Variants in FSCN3 observed in about 807,000 individuals in gnomAD.
The protein encoded by FSCN3 is fascin actin-bundling protein 3.
A neutral mutation model predicts 53.5 loss-of-function variants in FSCN3; 43 were observed. The observed-to-expected ratio is 0.80, with a 90% CI of 0.63 to 1.04. The LOEUF (loss-of-function observed/expected upper bound fraction) is 1.04. Among genes scored for constraint, FSCN3 ranks in the 50% least tolerant of loss-of-function variants. FSCN3 has a pLI of 0.00. For synonymous variants in FSCN3, 235 were observed against 246.6 expected (o/e 0.95, Z 0.44); for missense variants, 594 against 646.5 (o/e 0.92, Z 0.88).
At position 127,596,382 on chromosome 7, in the gene FSCN3, TTGAA is replaced by T; in HGVS notation, c.899_902del (p.Glu300ValfsTer26). 1.2e-6 allele frequency: 2 copies of T among 1,613,336 alleles called. No homozygotes were observed. Among genetic ancestry groups the T allele is most frequent in the Non-Finnish European group, 1.7e-6 (2 of 1,179,262 alleles). ...TTAAACCGAATGTCCTTGTTCCAGT[TTGAA>T]TGTGACAGTGAGAGCCCCACTGTGC... On this transcript the variant is annotated frameshift_variant, in exon 3 of 7. Transcript: ENST00000265825. LOFTEE classifies it high-confidence loss of function.
chr7:127,600,379 G>C lies in FSCN3; in HGVS notation c.1477G>C (p.Glu493Gln). 4 of 1,606,910 alleles carry C rather than the reference G, an allele frequency of 2.5e-6. No individual in the cohort carries two copies. Among genetic ancestry groups the C allele is most frequent in the Non-Finnish European group, 2.6e-6 (3 of 1,173,380 alleles). The change falls in exon 6 of 7, where the codon GAG becomes CAG. Residue 493 changes from glutamate (E) to glutamine (Q), a missense_variant. By Grantham distance (29) the Glu-to-Gln change is conservative. Coordinates refer to ENST00000265825, the MANE Select transcript of FSCN3 (RefSeq NM_020369.3). ...GGCAGACAGTGAAGACATTACCAGA[G>C]AGTGTATCTGGGAATTTTAGGTAAG... Reference protein sequence around the residue: ...LLADSEDITRECIWEF With the variant: ...LLADSEDITRQCIWEF
chr7:127,600,899 C>G (rs1219299795), intron 6 of FSCN3, among the ~76,000 whole-genome samples: 1 of 152,186 alleles, frequency 6.6e-6, no homozygotes, highest in African/African-American at 2.4e-5. Flanking sequence ...TCCTGATAGA[C>G]AGTTGACTTG....
At chr7:127,594,814 A>C (rs375756193) in intron 1 of FSCN3, 59 of 471,662 alleles carry the variant, frequency 1.3e-4, no homozygotes, top group South Asian at 7.1e-4. Flanking sequence ...TTGCATCTGA[A>C]CTGTTCATGC....
intron 1 of FSCN3, chr7:127,594,884 A>G (rs1043381215): frequency 6.3e-6 from 3 of 474,540 alleles, no homozygotes; most frequent in Admixed American, 2.3e-5. Flanking sequence ...CTGTCTTGCC[A>G]TGCTGGAAGG....
In FSCN3 at chr7:127,598,417, T is replaced by G. The variant is rs781618445; in HGVS notation, c.961-18T>G. ...GTCAGTCCTTACTCCTCATCTCTGT[T>G]TCTGACATTCTTTCCAGAGGCGCCA... On this transcript the variant is annotated intron_variant, in intron 3 of 6. Transcript: ENST00000265825. The G allele has an allele frequency of 4.5e-5, 73 of 1,611,748 alleles. No individual in the cohort carries two copies. The highest frequency in any genetic ancestry group is 6.1e-5 in the Non-Finnish European group (72 of 1,178,228).
At chr7:127,598,263 G>T (rs995606384) in intron 3 of FSCN3, among the ~76,000 whole-genome samples, 172 bp from the exon 4 acceptor site, 1 of 152,196 alleles carries the variant, frequency 6.6e-6, no homozygotes, top group East Asian at 1.9e-4. Context: ...GGAAGGGGAA[G>T]AGCTGAGGCC....
rs150511464 is a variant in FSCN3, at chr7:127,595,331, G to A, written c.169G>A (p.Glu57Lys). ...RQTWEILVSN[E>K]HETQAVVRLK... ...GACCTGGGAGATCTTGGTGAGCAATGAGCATGAGACACAGGCCGTGGTGCG... is the reference window on the plus strand; with the variant it reads ...GACCTGGGAGATCTTGGTGAGCAATAAGCATGAGACACAGGCCGTGGTGCG... Residue 57 changes from glutamate (E) to lysine (K), a missense_variant, in exon 2 of 7, where the codon GAG (glutamate) becomes AAG (lysine). Glu to Lys is a moderately conservative substitution (Grantham distance 56, BLOSUM62 1). Transcript: ENST00000265825. 9.9e-4 allele frequency: 1,604 copies of A among 1,612,568 alleles called. No homozygotes were observed. Among genetic ancestry groups the A allele is most frequent in the Non-Finnish European group, 1.3e-3 (1,483 of 1,178,984 alleles).
chr7:127,596,334 AG>A lies in FSCN3; in HGVS notation c.850del (p.Val284CysfsTer8). ...GRFISVIYDG[E>X]VRAASERLNR... ...ACATGCGCTTCCTCTGCAGATGGTG[AG>A]GTGCGTGCTGCTTCTGAGCGCTTAA... On this transcript the variant is annotated frameshift_variant, in exon 3 of 7. Coordinates refer to ENST00000265825, the MANE Select transcript of FSCN3 (RefSeq NM_020369.3). LOFTEE classifies it high-confidence loss of function. 2.5e-6 allele frequency: 4 copies of A among 1,606,230 alleles called. No individual in the cohort carries two copies. Among genetic ancestry groups the A allele is most frequent in the Non-Finnish European group, 3.4e-6 (4 of 1,172,864 alleles).
Position 127,593,911 on chromosome 7 carries a change from CTCA to C in FSCN3, c.62_64del (p.Ile21del), listed in dbSNP as rs767249988. 14 of 1,600,820 alleles carry C rather than the reference CTCA, an allele frequency of 8.7e-6. No individual in the cohort carries two copies. The highest frequency in any genetic ancestry group is 1.1e-5 in the Non-Finnish European group (13 of 1,173,608). ...CAAGGCTGAGGACCTAAGGGTTGGG[CTCA>C]TCAGCTGGGCAGGAACCTACCTCAC... On this transcript the variant is annotated inframe_deletion, in exon 1 of 7. Coordinates refer to ENST00000265825, the MANE Select transcript of FSCN3 (RefSeq NM_020369.3).
At chr7:127,601,473 C>T (rs1277253991) in intron 6 of FSCN3, 150 bp from the exon 7 acceptor site, 1 of 152,248 alleles carries the variant, frequency 6.6e-6, no homozygotes, top group Non-Finnish European at 1.5e-5. Context: ...GTTAACTTCA[C>T]ATGTGTCTAG....
chr7:127,596,029 G>A (rs759036110), intron 2 of FSCN3, 26 bp downstream of exon 2: 3 of 1,517,714 alleles, frequency 2.0e-6, no homozygotes, highest in Non-Finnish European at 2.6e-6. Context: ...AACACAGATG[G>A]AGGGAGAGAG....
Position 127,599,381 on chromosome 7 carries a change from G to T in FSCN3, c.1121G>T (p.Gly374Val). 6.2e-7 allele frequency: 1 copy of T among 1,611,972 alleles called. No homozygotes were observed. Among genetic ancestry groups the T allele is most frequent in the Non-Finnish European group, 8.5e-7 (1 of 1,178,258 alleles). ...GATAACTCCTTCCTATTTCCTTCAGGCCCAAATGAGGAATTTGGGATTTTA... is the reference window on the plus strand; with the variant it reads ...GATAACTCCTTCCTATTTCCTTCAGTCCCAAATGAGGAATTTGGGATTTTA... ...SLLMANVILPGPNEEFGILFA... is the reference protein window; with the variant it reads ...SLLMANVILPVPNEEFGILFA... The change falls in exon 5 of 7, where the codon GGC becomes GTC. Residue 374 changes from glycine to valine, a missense_variant and splice_region_variant. Transcript: ENST00000265825.
In FSCN3 at chr7:127,595,414, T is replaced by C. The variant is rs1562955661; in HGVS notation, c.252T>C (p.Tyr84=). The C allele has an allele frequency of 6.2e-7, 1 of 1,614,200 alleles. No individual in the cohort carries two copies. Among genetic ancestry groups the C allele is most frequent in the East Asian group, 2.2e-5 (1 of 44,886 alleles). The change falls in exon 2 of 7, where the codon TAT becomes TAC. Residue 84 remains tyrosine, a synonymous_variant. Coordinates refer to ENST00000265825, the MANE Select transcript of FSCN3 (RefSeq NM_020369.3). The part of the protein sequence containing the change: ...LLCECDGTVC[Y]GRPRTSHHGC... ...GTGAGTGTGATGGCACCGTGTGTTA[T>C]GGCCGCCCAAGGACCAGCCACCATG...
At position 127,600,277 on chromosome 7, in the gene FSCN3, CTT is replaced by C. The variant is rs1259325539; in HGVS notation, c.1376_1377del (p.Leu459ProfsTer29). 1 of 1,608,922 alleles carries C rather than the reference CTT, an allele frequency of 6.2e-7. No individual in the cohort carries two copies. The highest frequency in any genetic ancestry group is 8.5e-7 in the Non-Finnish European group (1 of 1,175,164). Reference sequence around the variant, plus strand: ...GTTTGCCCTCAACTTCTGTATCGAGCTTCAGGGGAGCAACTTACTCACTGTAC... The same window carrying C: ...GTTTGCCCTCAACTTCTGTATCGAGCCAGGGGAGCAACTTACTCACTGTAC... ...GKFALNFCIE[L>X]QGSNLLTVLA... On this transcript the variant is annotated frameshift_variant, in exon 6 of 7. Transcript: ENST00000265825. LOFTEE classifies it high-confidence loss of function.
chr7:127,595,184 G>A, intron 1 of FSCN3, 123 bp from the exon 2 acceptor site: 1 of 744,906 alleles, frequency 1.3e-6, no homozygotes, highest in South Asian at 1.8e-5. Flanking sequence ...GGCTGATGTG[G>A]AAGAGGAGGT....
At chr7:127,599,646 A>G (rs1462910884) in intron 5 of FSCN3, 95 bp downstream of exon 5, 2 of 1,233,302 alleles carry the variant, frequency 1.6e-6, no homozygotes, top group Non-Finnish European at 2.3e-6. Flanking sequence ...GGGCTTGCTC[A>G]TTATAAAAGG....
intron 5 of FSCN3, among the ~76,000 whole-genome samples, 193 bp downstream of exon 5, chr7:127,599,744 GA>G (rs1794444237): frequency 6.6e-6 from 1 of 152,082 alleles, no homozygotes; most frequent in Non-Finnish European, 1.5e-5. Flanking sequence ...AGGAGATGGA[GA>G]CCATCCTGGC....
chr7:127,598,433 A>G lies in FSCN3; in HGVS notation c.961-2A>G. 6.2e-7 allele frequency: 1 copy of G among 1,613,510 alleles called. No homozygotes were observed. Among genetic ancestry groups the G allele is most frequent in the Non-Finnish European group, 8.5e-7 (1 of 1,179,544 alleles). ...CATCTCTGTTTCTGACATTCTTTCC[A>G]GAGGCGCCACAGGGCAGTAATGGCT... On this transcript the variant is annotated splice_acceptor_variant, in intron 3 of 6. Coordinates refer to ENST00000265825, the MANE Select transcript of FSCN3 (RefSeq NM_020369.3). LOFTEE classifies it high-confidence loss of function.
At chr7:127,596,513 C>A in intron 3 of FSCN3, 67 bp downstream of exon 3, 1 of 700,076 alleles carries the variant, frequency 1.4e-6, no homozygotes. Context: ...AGACTTCCTT[C>A]TCCTTTTTCA....
Sources: gnomAD v4.1 joint callset for allele counts (sites outside exome capture counted in the v4.1 genomes callset) on GRCh38, gnomAD v4.1.1 for gene constraint, MANE v1.5 for transcripts, NCBI Gene and HGNC (gene_info 2026-07-23, HGNC 2026-07-21) for gene names.